USP31: variants seen among roughly 807,000 people sequenced by gnomAD.
The protein encoded by USP31 is ubiquitin specific peptidase 31, also known as ubiquitin carboxyl-terminal hydrolase 31.
A neutral mutation model predicts 119.4 loss-of-function variants in USP31; 44 were observed. The observed-to-expected ratio is 0.37, with a 90% CI of 0.29 to 0.47. The LOEUF (loss-of-function observed/expected upper bound fraction) is 0.47, where lower values mean the gene tolerates loss of function less well. Ranked by LOEUF, USP31 falls within the 20% of genes least tolerant of loss-of-function variation. The pLI is 0.99. For missense variants in USP31, 1,643 were observed against 1,730.2 expected (o/e 0.95, Z 0.89); for synonymous variants, 749 against 705.6 (o/e 1.06, Z -0.97).
chr16:23,072,729 A>C (rs1900398436), intron 14 of USP31, among the ~76,000 whole-genome samples: 1 of 152,096 alleles, frequency 6.6e-6, no homozygotes, highest in African/African-American at 2.4e-5. Context: ...GACGCCCTTA[A>C]ATATTTATTA....
rs940055359 is a variant in USP31, at chr16:23,068,869, G to T, written c.3236C>A (p.Ser1079Tyr). 3 of 1,585,124 alleles carry T rather than the reference G, an allele frequency of 1.9e-6. No homozygotes were observed. In the Admixed American group the frequency reaches 5.3e-5, roughly 28 times the overall value. Residue 1079 changes from serine to tyrosine, a missense_variant, in exon 16 of 16, where the codon TCT (serine) becomes TAT (tyrosine). Physicochemically the swap from Ser to Tyr is moderately radical, Grantham distance 144. Coordinates refer to ENST00000219689, the MANE Select transcript of USP31 (RefSeq NM_020718.4). ...ATGCCGTCCACTGCCCCTGGAAGAA[G>T]AATCTGCTTTGCTGCGGGAGCGGGA... The part of the protein sequence containing the change: ...KPSRSRSKAD[S>Y]SSRGSGRHSS...
intron 6 of USP31, among the ~76,000 whole-genome samples, chr16:23,099,997 A>G (rs1901779112): frequency 1.3e-5 from 2 of 152,234 alleles, no homozygotes; most frequent in Non-Finnish European, 2.9e-5. Context: ...TACCCACTAC[A>G]ATAGCTAAAA....
At chr16:23,119,709 G>A (rs755930764) in intron 1 of USP31, among the ~76,000 whole-genome samples, 3 of 152,266 alleles carry the variant, frequency 2.0e-5, no homozygotes, top group South Asian at 2.1e-4. Context: ...CAAAAATGCC[G>A]TTTATCTAAT....
intron 1 of USP31, among the ~76,000 whole-genome samples, chr16:23,118,294 C>T (rs1456805411): frequency 1.3e-5 from 2 of 152,108 alleles, no homozygotes; most frequent in East Asian, 3.9e-4. Flanking sequence ...AAGAATCACC[C>T]TATGATACTA....
intron 15 of USP31, 133 bp downstream of exon 15, chr16:23,071,912 G>A: frequency 8.1e-7 from 1 of 1,237,176 alleles, no homozygotes; most frequent in Non-Finnish European, 1.1e-6. Context: ...CAGCTACACA[G>A]CTCCACTCCC....
rs756654134 is a variant in USP31, at chr16:23,072,099, G to A, written c.2434C>T (p.Leu812=). 6.2e-7 allele frequency: 1 copy of A among 1,613,734 alleles called. No homozygotes were observed. Among genetic ancestry groups the A allele is most frequent in the South Asian group, 1.1e-5 (1 of 91,082 alleles). Residue 812 remains leucine, a synonymous_variant, in exon 15 of 16, where the codon CTG becomes TTG. Coordinates refer to ENST00000219689, the MANE Select transcript of USP31 (RefSeq NM_020718.4). ...TSAASSRRTS[L]ASLSESVEMT... ...TCCACGGACTCAGAGAGCGACGCCA[G>A]GGAGGTGCGTCTGGAGGAAGCTGCA...
At chr16:23,114,325 C>T (rs1242151441) in intron 1 of USP31, among the ~76,000 whole-genome samples, 1 of 151,898 alleles carries the variant, frequency 6.6e-6, no homozygotes, top group South Asian at 2.1e-4. Context: ...CCAAGAAGAG[C>T]TCTTAGGTGT....
At chr16:23,088,750 T>C (rs2141850235) in intron 7 of USP31, among the ~76,000 whole-genome samples, 1 of 152,370 alleles carries the variant, frequency 6.6e-6, no homozygotes, top group South Asian at 2.1e-4. Context: ...AAACAATGCC[T>C]GCTTATTTTT....
Position 23,068,430 on chromosome 16 carries a change from C to G in USP31, c.3675G>C (p.Gly1225=), listed in dbSNP as rs1222631002. The change falls in exon 16 of 16, where the codon GGG becomes GGC. Residue 1225 remains glycine, a synonymous_variant. Transcript: ENST00000219689. ...LKRDSKSEDK[G]LSFFKSALRQ... is the part of the protein sequence containing the mutation. The stretch of plus-strand genomic sequence containing the variant: ...TCAAGGCTGATTTGAAGAAGGACAG[C>G]CCCTTGTCCTCAGACTTGCTGTCCC... 1 of 1,613,716 alleles carries G rather than the reference C, an allele frequency of 6.2e-7. No homozygotes were observed. Among genetic ancestry groups the G allele is most frequent in the East Asian group, 2.2e-5 (1 of 44,870 alleles).
chr16:23,102,382 C>T lies in USP31; in HGVS notation c.1171G>A (p.Asp391Asn), dbSNP rs778740285. Residue 391 changes from aspartate to asparagine, a missense_variant, in exon 6 of 16, where the codon GAC (aspartate) becomes AAC (asparagine). By Grantham distance (23) the Asp-to-Asn change is conservative. Coordinates refer to ENST00000219689, the MANE Select transcript of USP31 (RefSeq NM_020718.4). ...GGAGTCTCAAAGGCAAAAATGCAGT[C>T]GCTTTCATGGACTGTTTCCAGGTCG... Reference protein sequence around the residue: ...TDDLETVHESDCIFAFETPEI... With the variant: ...TDDLETVHESNCIFAFETPEI... The T allele has an allele frequency of 3.3e-5, 54 of 1,613,970 alleles. No homozygotes were observed. The highest frequency in any genetic ancestry group is 4.5e-5 in the Non-Finnish European group (53 of 1,179,910).
chr16:23,112,285 T>C (rs762952145), intron 1 of USP31, among the ~76,000 whole-genome samples: 3 of 152,124 alleles, frequency 2.0e-5, no homozygotes, highest in African/African-American at 4.8e-5. Flanking sequence ...TAGCATTATA[T>C]ATATATAAAC....
At chr16:23,085,756 T>C in intron 9 of USP31, 94 bp from the exon 10 acceptor site, 1 of 1,104,188 alleles carries the variant, frequency 9.1e-7, no homozygotes, top group South Asian at 1.4e-5. Context: ...AAAATCATAA[T>C]TTCAGGTGAT....
intron 11 of USP31, among the ~76,000 whole-genome samples, chr16:23,083,394 C>T (rs552552549): frequency 6.6e-6 from 1 of 151,878 alleles, no homozygotes; most frequent in South Asian, 2.1e-4. Flanking sequence ...TTATGTTGGC[C>T]CCTGCTACTT....
At chr16:23,112,504 G>A (rs910849626) in intron 1 of USP31, among the ~76,000 whole-genome samples, 6 of 152,052 alleles carry the variant, frequency 3.9e-5, no homozygotes, top group Admixed American at 3.3e-4. Context: ...GAACCCGGGA[G>A]GCAGAGGTTG....
intron 6 of USP31, among the ~76,000 whole-genome samples, chr16:23,093,995 T>TG (rs1333284103): frequency 6.6e-6 from 1 of 152,190 alleles, no homozygotes; most frequent in Non-Finnish European, 1.5e-5. Flanking sequence ...TTGGGACGGT[T>TG]GGACAGTGGG....
rs1311994672 is a variant in USP31 at position 23,066,036 on chromosome 16, G to C, written c.*2010C>G. 1 of 152,252 alleles carries C rather than the reference G, an allele frequency of 6.6e-6. No homozygotes were observed. The highest frequency in any genetic ancestry group is 1.5e-5 in the Non-Finnish European group (1 of 68,048). The allele number at this position is 152,252 out of a possible 1,614,324, so 9.4% of individuals were successfully genotyped here. A position where few individuals can be genotyped will look rare whatever the true frequency, so the allele number is the denominator to read the frequency against. ...GGTGGCTACACACTGATGGGGCTGTGATGTGCTGGGCTGAACGCAATGACA... is the reference window on the plus strand; with the variant it reads ...GGTGGCTACACACTGATGGGGCTGTCATGTGCTGGGCTGAACGCAATGACA... On this transcript the variant is annotated 3_prime_UTR_variant, in exon 16 of 16. Coordinates refer to ENST00000219689, the MANE Select transcript of USP31 (RefSeq NM_020718.4).
intron 1 of USP31, among the ~76,000 whole-genome samples, chr16:23,142,515 G>T (rs911114148): frequency 6.6e-5 from 10 of 152,280 alleles, no homozygotes; most frequent in African/African-American, 2.4e-4. Flanking sequence ...TACTGATAAG[G>T]CCACCCAGGC....
intron 13 of USP31, among the ~76,000 whole-genome samples, chr16:23,074,215 A>G (rs1900467547): frequency 6.6e-6 from 1 of 151,900 alleles, no homozygotes; most frequent in South Asian, 2.1e-4. Context: ...GATTGTCACA[A>G]CTCAAGGGAG....
rs559887900 is a variant in USP31, at chr16:23,071,856, G to A, written c.2488+189C>T. Among the ~76,000 whole-genome samples the A allele has an allele frequency of 4.6e-5, 7 of 152,158 alleles. No individual in the cohort carries two copies. In the South Asian group the frequency reaches 1.5e-3, roughly 32 times the overall value. ...GAGAAAGTACTGGGACACAGGAAAA[G>A]CAAATGACTCTGTTAATACAAAATG... is the stretch of plus-strand genomic sequence containing the variant. On this transcript the variant is annotated intron_variant, in intron 15 of 15. Coordinates refer to ENST00000219689, the MANE Select transcript of USP31 (RefSeq NM_020718.4).
Sources: allele counts gnomAD v4.1 joint callset (sites outside exome capture counted in the v4.1 genomes callset), GRCh38; gene constraint gnomAD v4.1.1; transcripts MANE v1.5; gene names NCBI Gene and HGNC (gene_info 2026-07-23, HGNC 2026-07-21).